The following LTF variants were observed in gnomAD, a reference collection of about 807,000 sequenced individuals.
LTF encodes epididymis luminal protein 110.
LTF carries 91 observed loss-of-function variants against 87.2 expected under a neutral mutation model. The ratio of observed to expected loss-of-function variants is 1.04; its 90% confidence interval spans 0.88 to 1.24. The LOEUF (loss-of-function observed/expected upper bound fraction) is 1.24. Among genes scored for constraint, LTF ranks in the 50% most tolerant of loss-of-function variants. The pLI is 0.00. For synonymous variants in LTF, 378 were observed against 356.1 expected (o/e 1.06, Z -0.69); for missense variants, 901 against 904.3 (o/e 1.00, Z 0.05).
intron 6 of LTF, among the ~76,000 whole-genome samples, chr3:46,453,697 CT>C (rs1405625760): frequency 3.3e-5 from 5 of 152,188 alleles, no homozygotes; most frequent in African/African-American, 1.2e-4. Flanking sequence ...CCTCTACATA[CT>C]CATCAACTGC....
At chr3:46,457,763 C>T (rs548988064) in intron 2 of LTF, among the ~76,000 whole-genome samples, 1 of 152,180 alleles carries the variant, frequency 6.6e-6, no homozygotes, top group African/African-American at 2.4e-5. Context: ...TATGATTCTA[C>T]ATTTTTTCCA....
intron 1 of LTF, among the ~76,000 whole-genome samples, chr3:46,479,251 C>T (rs972682636): frequency 2.6e-5 from 4 of 152,208 alleles, no homozygotes; most frequent in African/African-American, 9.7e-5. Context: ...CCCCATAGCC[C>T]CCTCTCTCCC....
rs2106880708 is a variant in LTF at position 46,455,860 on chromosome 3, A to G, written c.435T>C (p.Asn145=). The part of the protein sequence containing the change: ...HTGLRRTAGW[N]VPIGTLRPFL... ...ATGGACGAAGTGTCCCTATAGGGAC[A>G]TTCCATCCAGCGGTCCTGCGAAGGC... Residue 145 remains asparagine (N), a synonymous_variant, in exon 4 of 17, where the codon AAT becomes AAC. Coordinates refer to ENST00000231751, the MANE Select transcript of LTF (RefSeq NM_002343.6). 1.2e-6 allele frequency: 2 copies of G among 1,613,148 alleles called. No homozygotes were observed. Among genetic ancestry groups the G allele is most frequent in the East Asian group, 2.2e-5 (1 of 44,860 alleles).
chr3:46,436,064 A>C lies in LTF; in HGVS notation c.*131T>G. On this transcript the variant is annotated 3_prime_UTR_variant, in exon 17 of 17. Transcript: ENST00000231751. Reference sequence around the variant, plus strand: ...CTTCTTGCTAAGACGACAGCAGGGAATTGTAAGCAGATGGATGGGCAATCC... The same window carrying C: ...CTTCTTGCTAAGACGACAGCAGGGACTTGTAAGCAGATGGATGGGCAATCC... 1.2e-6 allele frequency: 1 copy of C among 813,886 alleles called. No individual in the cohort carries two copies. The highest frequency in any genetic ancestry group is 2.1e-6 in the Non-Finnish European group (1 of 476,728). 50.4% of individuals were successfully genotyped at this position (813,886 alleles called of 1,614,324 possible). A position where few individuals can be genotyped will look rare whatever the true frequency, so the allele number is the denominator to read the frequency against.
intron 1 of LTF, among the ~76,000 whole-genome samples, chr3:46,471,739 AGCACCCAGCACCTGCCT>A (rs771897985): frequency 2.6e-5 from 4 of 152,182 alleles, no homozygotes; most frequent in African/African-American, 7.2e-5. Flanking sequence ...CATCACCCCC[AGCACCCAGCACCTGCCT>A]GCAGAGAAGC....
At chr3:46,464,123 G>A (rs141557537) in intron 1 of LTF, among the ~76,000 whole-genome samples, 2 of 152,276 alleles carry the variant, frequency 1.3e-5, no homozygotes, top group East Asian at 1.9e-4. Context: ...CCGCACTCAC[G>A]CATTTAGGTC....
chr3:46,455,823 T>C lies in LTF; in HGVS notation c.472A>G (p.Thr158Ala). 4 of 1,590,786 alleles carry C rather than the reference T, an allele frequency of 2.5e-6. No homozygotes were observed. The highest frequency in any genetic ancestry group is 3.4e-6 in the Non-Finnish European group (4 of 1,168,546). The change falls in exon 4 of 17, where the codon ACG becomes GCG. Residue 158 changes from threonine (T) to alanine (A), a missense_variant. Transcript: ENST00000231751. ...IGTLRPFLNW[T>A]GPPEPIEAAV... ...GCCTCAATGGGCTCAGGTGGACCCG[T>C]CCAATTCAAGAATGGACGAAGTGTC...
intron 16 of LTF, among the ~76,000 whole-genome samples, chr3:46,436,530 TG>T (rs1360490883): frequency 6.6e-6 from 1 of 152,222 alleles, no homozygotes; most frequent in African/African-American, 2.4e-5. Flanking sequence ...AAGACATTGG[TG>T]GTCCTCTAGC....
chr3:46,472,462 C>T (rs1397735667), intron 1 of LTF, among the ~76,000 whole-genome samples: 1 of 145,106 alleles, frequency 6.9e-6, no homozygotes, highest in Non-Finnish European at 1.5e-5. Flanking sequence ...TATTAATCTC[C>T]AGAAAATCAA....
At chr3:46,446,601 A>T in intron 10 of LTF, 108 bp from the exon 11 acceptor site, 1 of 909,596 alleles carries the variant, frequency 1.1e-6, no homozygotes, top group Non-Finnish European at 1.8e-6. Context: ...AGACCGTCCC[A>T]GCAGTTCCAT....
At chr3:46,473,122 A>G (rs986517797) in intron 1 of LTF, among the ~76,000 whole-genome samples, 6 of 151,264 alleles carry the variant, frequency 4.0e-5, no homozygotes, top group African/African-American at 9.7e-5. Flanking sequence ...GCTTCTGACC[A>G]CTCTCCTGAC....
At chr3:46,441,881 T>A in intron 13 of LTF, 1 of 162,118 alleles carries the variant, frequency 6.2e-6, no homozygotes, top group Non-Finnish European at 1.2e-5. Context: ...AAGTAAATGA[T>A]GAAACTGTGA....
At chr3:46,469,775 G>A (rs978249008), upstream of LTF, among the ~76,000 whole-genome samples, 6 of 152,158 alleles carry the variant, frequency 3.9e-5, no homozygotes, top group Admixed American at 2.0e-4. Flanking sequence ...TAAGAGTCTG[G>A]GAACGTTTCT....
At chr3:46,476,158 C>T (rs1703357247) in intron 1 of LTF, among the ~76,000 whole-genome samples, 1 of 152,092 alleles carries the variant, frequency 6.6e-6, no homozygotes, top group Non-Finnish European at 1.5e-5. Context: ...ATAATGAGAG[C>T]TTTATCCTTT....
At chr3:46,452,036 T>C (rs6781377) in intron 6 of LTF, among the ~76,000 whole-genome samples, 18,624 of 152,042 alleles carry the variant, frequency 0.12, 1,384 homozygotes, top group Admixed American at 0.21. Flanking sequence ...GATATCCAGA[T>C]CACACAATTT....
In LTF at chr3:46,481,707, T is replaced by C. The variant is rs547571783; in HGVS notation, c.-320+3279A>G. Among the ~76,000 whole-genome samples the C allele has an allele frequency of 1.3e-4, 20 of 152,254 alleles. No homozygotes were observed. In the South Asian group the frequency reaches 4.1e-3, roughly 32 times the overall value. Reference sequence around the variant, plus strand: ...CAGAGGTTGCAGGGAGCCGAGATTGTGCCATTGCACTCCAGCCTGGGAGAC... The same window carrying C: ...CAGAGGTTGCAGGGAGCCGAGATTGCGCCATTGCACTCCAGCCTGGGAGAC... On this transcript the variant is annotated intron_variant, in intron 1 of 19. Coordinates refer to the LTF transcript ENST00000443496.
chr3:46,447,811 T>C (rs1388896102), intron 9 of LTF, among the ~76,000 whole-genome samples: 6 of 152,122 alleles, frequency 3.9e-5, no homozygotes, highest in Non-Finnish European at 7.4e-5. Flanking sequence ...TAAGCTGAAG[T>C]CGTCATATTG....
intron 6 of LTF, chr3:46,453,995 C>A: frequency 5.7e-6 from 2 of 353,552 alleles, no homozygotes; most frequent in Non-Finnish European, 1.1e-5. Flanking sequence ...CTCTATGAAC[C>A]CAGAAACCGG....
intron 1 of LTF, among the ~76,000 whole-genome samples, chr3:46,472,897 G>A (rs1703312284): frequency 6.6e-6 from 1 of 152,112 alleles, no homozygotes; most frequent in Non-Finnish European, 1.5e-5. Flanking sequence ...AACCCCTCCA[G>A]GTGGCCTTCT....
Sources: allele counts gnomAD v4.1 joint callset (sites outside exome capture counted in the v4.1 genomes callset), GRCh38; gene constraint gnomAD v4.1.1; transcripts MANE v1.5; gene names NCBI Gene and HGNC (gene_info 2026-07-23, HGNC 2026-07-21).